Variants in TCP11L1 observed in about 807,000 individuals in gnomAD.
TCP11L1 encodes T-complex protein 11-like protein 1.
In TCP11L1, 28 loss-of-function variants were observed where a neutral mutation model predicts 48.9. The ratio of observed to expected loss-of-function variants is 0.57; its 90% CI spans 0.42 to 0.78. TCP11L1 has a LOEUF of 0.78. Among genes scored for constraint, TCP11L1 ranks in the 30% least tolerant of loss-of-function variants. The pLI is 0.00. For missense variants in TCP11L1, 505 were observed against 613.4 expected (o/e 0.82, Z 1.87); for synonymous variants, 204 against 231.9 (o/e 0.88, Z 1.09).
intron 1 of TCP11L1, among the ~76,000 whole-genome samples, chr11:33,042,535 C>G (rs552525856): frequency 6.6e-6 from 1 of 152,176 alleles, no homozygotes; most frequent in African/African-American, 2.4e-5. Context: ...CAACTGCATA[C>G]ATTATGGTTG....
At chr11:33,049,037 G>A (rs1344864530) in intron 2 of TCP11L1, among the ~76,000 whole-genome samples, 4 of 152,140 alleles carry the variant, frequency 2.6e-5, no homozygotes, top group African/African-American at 9.7e-5. Flanking sequence ...GGATCATGAG[G>A]TCAAGAGATC....
At position 33,073,410 on chromosome 11, in the gene TCP11L1, TCTTTGACTTTCAAGC is replaced by T. The variant is rs1854854747; in HGVS notation, c.*738_*752del. 1.3e-5 allele frequency: 2 copies of T among 152,198 alleles called. No homozygotes were observed. The highest frequency in any genetic ancestry group is 1.3e-4 in the Admixed American group (2 of 15,280). 9.4% of individuals were successfully genotyped at this position (152,198 alleles called of 1,614,324 possible). On this transcript the variant is annotated 3_prime_UTR_variant, in exon 10 of 10. Transcript: ENST00000334274. ...CTTATGAGATCTAGTGAAAGGAAAG[TCTTTGACTTTCAAGC>T]CTTGAAAGTCAAGGAGGAAATGTAT...
chr11:33,045,037 A>G (rs776620833), intron 2 of TCP11L1, among the ~76,000 whole-genome samples: 2 of 152,186 alleles, frequency 1.3e-5, no homozygotes, highest in African/African-American at 2.4e-5. Flanking sequence ...TGCTACTAAC[A>G]TTATGTCATC....
chr11:33,058,109 A>T lies in TCP11L1; in HGVS notation c.608A>T (p.Lys203Met). ...PARDEEVKKLKDIKEIVPLFR... is the reference protein window; with the variant it reads ...PARDEEVKKLMDIKEIVPLFR... ...CGAGATGAGGAAGTTAAGAAACTAA[A>T]GGACATTAAGGAAATAGTGCCCCTT... Residue 203 changes from lysine to methionine, a missense_variant, in exon 5 of 10, where the codon AAG becomes ATG. This residue lies in a region of TCP11L1 where 335 missense variants were observed against 413.3 expected (regional missense o/e 0.81). Transcript: ENST00000334274. 1 of 1,613,896 alleles carries T rather than the reference A, an allele frequency of 6.2e-7. No homozygotes were observed. The highest frequency in any genetic ancestry group is 1.3e-5 in the African/African-American group (1 of 75,056).
chr11:33,043,657 A>G (rs1407429315), intron 1 of TCP11L1, 93 bp from the exon 2 acceptor site: 9 of 1,085,706 alleles, frequency 8.3e-6, no homozygotes, highest in African/African-American at 4.8e-5. Context: ...CTGAAACCCA[A>G]AGAGGTTAAA....
Position 33,065,942 on chromosome 11 carries a change from C to G in TCP11L1, c.1085C>G (p.Ser362Cys). The change falls in exon 8 of 10, where the codon TCC becomes TGC. Residue 362 changes from serine to cysteine, a missense_variant. Coordinates refer to ENST00000334274, the MANE Select transcript of TCP11L1 (RefSeq NM_018393.4). ...TTCAGCATGGCAGCGCCAGGAATTT[C>G]CAGCCAGGCCGACTTTGCTGAGAAA... ...VTFSMAAPGI[S>C]SQADFAEKLK... 3 of 1,614,234 alleles carry G rather than the reference C, an allele frequency of 1.9e-6. No individual in the cohort carries two copies. The highest frequency in any genetic ancestry group is 1.7e-6 in the Non-Finnish European group (2 of 1,180,028).
chr11:33,072,572 C>A lies in TCP11L1; in HGVS notation c.1426C>A (p.Leu476Met), dbSNP rs777564022. Residue 476 changes from leucine (L) to methionine (M), a missense_variant, in exon 10 of 10, where the codon CTG (leucine) becomes ATG (methionine). Transcript: ENST00000334274. Reference sequence around the variant, plus strand: ...GGGACTCAGTCCAGTTCAGAGAGAGCTGGAGGAAGTTGCTATTAAATTTGC... The same window carrying A: ...GGGACTCAGTCCAGTTCAGAGAGAGATGGAGGAAGTTGCTATTAAATTTGC... ...PGGLSPVQRELEEVAIKFARL... is the reference protein window; with the variant it reads ...PGGLSPVQREMEEVAIKFARL... The A allele has an allele frequency of 6.2e-7, 1 of 1,614,132 alleles. No individual in the cohort carries two copies. Among genetic ancestry groups the A allele is most frequent in the East Asian group, 2.2e-5 (1 of 44,878 alleles).
chr11:33,044,728 C>T (rs1311491563), intron 2 of TCP11L1, among the ~76,000 whole-genome samples: 1 of 152,194 alleles, frequency 6.6e-6, no homozygotes, highest in African/African-American at 2.4e-5. Context: ...ATTCTTCTAG[C>T]AAACATTAAT....
At position 33,072,668 on chromosome 11, in the gene TCP11L1, C is replaced by T. The variant is rs767084725; in HGVS notation, c.1522C>T (p.Arg508Ter). 2.4e-5 allele frequency: 39 copies of T among 1,613,954 alleles called. 3 individuals carry two copies. In the South Asian group the frequency reaches 2.9e-4, roughly 12 times the overall value. The change falls in exon 10 of 10, where the codon CGA becomes TGA. Residue 508 changes from arginine to a stop codon, truncating the protein, a stop_gained. Transcript: ENST00000334274. LOFTEE classifies it high-confidence loss of function. Reference sequence around the variant, plus strand: ...TGCAATCCTGAGTAAGATCCTCGTCCGATCCTAACGTGTATGCACCCTACA... The same window carrying T: ...TGCAATCCTGAGTAAGATCCTCGTCTGATCCTAACGTGTATGCACCCTACA... ...YDAILSKILV[R>*]S is the part of the protein sequence containing the mutation.
intron 2 of TCP11L1, among the ~76,000 whole-genome samples, chr11:33,048,063 T>A (rs1854051067): frequency 1.3e-5 from 2 of 152,236 alleles, no homozygotes; most frequent in South Asian, 4.1e-4. Flanking sequence ...CTAATATGGT[T>A]TTCAGTTTCT....
chr11:33,044,406 A>G (rs550128478), intron 2 of TCP11L1, among the ~76,000 whole-genome samples: 3 of 152,238 alleles, frequency 2.0e-5, no homozygotes, highest in Non-Finnish European at 2.9e-5. Context: ...TGGTGAAGTC[A>G]TTTCAGATCC....
intron 2 of TCP11L1, among the ~76,000 whole-genome samples, chr11:33,052,092 T>G (rs1854177466): frequency 1.3e-5 from 2 of 152,106 alleles, no homozygotes; most frequent in African/African-American, 4.8e-5. Context: ...CACTGGGGTC[T>G]ACTGGAGAGT....
chr11:33,070,503 T>C (rs913762939), intron 9 of TCP11L1, among the ~76,000 whole-genome samples: 4 of 151,732 alleles, frequency 2.6e-5, no homozygotes, highest in African/African-American at 9.7e-5. Context: ...CTGACCAACA[T>C]GTAGAAACTC....
Position 33,057,209 on chromosome 11 carries a change from A to T in TCP11L1, c.391A>T (p.Ile131Phe), listed in dbSNP as rs201663894. Residue 131 changes from isoleucine (I) to phenylalanine (F), a missense_variant, in exon 4 of 10, where the codon ATC becomes TTC. By Grantham distance (21) the Ile-to-Phe change is conservative. Coordinates refer to ENST00000334274, the MANE Select transcript of TCP11L1 (RefSeq NM_018393.4). ...AGATCCCCCAGCATATGACCATGCTATCAAACTTGTAGGAGAAATCAAAGA... is the reference window on the plus strand; with the variant it reads ...AGATCCCCCAGCATATGACCATGCTTTCAAACTTGTAGGAGAAATCAAAGA... Reference protein sequence around the residue: ...SEDPPAYDHAIKLVGEIKETL... With the variant: ...SEDPPAYDHAFKLVGEIKETL... The T allele has an allele frequency of 5.0e-6, 8 of 1,614,006 alleles. No individual in the cohort carries two copies. The South Asian group carries it at 5.5e-5, about 11-fold the overall frequency.
At position 33,054,677 on chromosome 11, in the gene TCP11L1, T is replaced by C; in HGVS notation, c.248T>C (p.Val83Ala). Residue 83 changes from valine to alanine, a missense_variant, in exon 3 of 10, where the codon GTA becomes GCA. Val to Ala is a moderately conservative substitution (Grantham distance 64). Around this residue, in one of 3 missense-constraint regions of TCP11L1, gnomAD observed 168 missense variants for 183.5 expected, o/e 0.92. Transcript: ENST00000334274. ...AACATGGCTCTAGCCCATGAAATTG[T>C]AGTAAATGGAGACTTTCAGATTAAA... ...VTNMALAHEIVVNGDFQIKPV... is the reference protein window; with the variant it reads ...VTNMALAHEIAVNGDFQIKPV... 6.2e-7 allele frequency: 1 copy of C among 1,613,914 alleles called. No homozygotes were observed. The highest frequency in any genetic ancestry group is 8.5e-7 in the Non-Finnish European group (1 of 1,179,924).
At chr11:33,062,698 C>T (rs1045944071) in intron 7 of TCP11L1, among the ~76,000 whole-genome samples, 4 of 152,318 alleles carry the variant, frequency 2.6e-5, no homozygotes, top group Admixed American at 6.5e-5. Context: ...TGGCCCCTGG[C>T]AGCCACCATT....
intron 2 of TCP11L1, among the ~76,000 whole-genome samples, chr11:33,052,990 C>CAA (rs56102649): frequency 2.7e-4 from 41 of 149,878 alleles, no homozygotes; most frequent in African/African-American, 6.6e-4. Context: ...GACCCTATCT[C>CAA]AAAAAAAAAT....
intron 3 of TCP11L1, 106 bp downstream of exon 3, chr11:33,054,831 T>C (rs546681937): frequency 8.0e-7 from 1 of 1,246,332 alleles, no homozygotes; most frequent in South Asian, 1.7e-5. Flanking sequence ...ATTTTTCCTT[T>C]TGTACATTAT....
chr11:33,055,548 T>C (rs1285761564), intron 3 of TCP11L1, among the ~76,000 whole-genome samples: 1 of 152,186 alleles, frequency 6.6e-6, no homozygotes, highest in African/African-American at 2.4e-5. Flanking sequence ...AGAGCTTAAG[T>C]TGGCTAAAAG....
Sources: allele counts gnomAD v4.1 joint callset (sites outside exome capture counted in the v4.1 genomes callset), GRCh38; gene constraint gnomAD v4.1.1; regional missense constraint gnomAD v4.1.1; transcripts MANE v1.5; gene names NCBI Gene and HGNC (gene_info 2026-07-23, HGNC 2026-07-21).